DIDO1: variants seen among roughly 807,000 people sequenced by gnomAD.
DIDO1 encodes death-inducer obliterator 1.
Under a neutral mutation model 99.4 loss-of-function variants are expected in DIDO1, and 16 were observed. That is an observed-to-expected ratio of 0.16 (90% CI 0.11 to 0.24). DIDO1 has a LOEUF of 0.24. Ranked by LOEUF, DIDO1 falls within the 10% of genes least tolerant of loss-of-function variation. DIDO1 has a pLI of 1.00. For missense variants in DIDO1, 2,996 were observed against 3,014.0 expected, an observed-to-expected ratio of 0.99 and a Z score of 0.14; for synonymous variants, 1,366 against 1,239.1, an observed-to-expected ratio of 1.10 and a Z score of -2.15.
chr20:62,931,603 C>T (rs978583869), intron 1 of DIDO1, among the ~76,000 whole-genome samples: 8 of 152,154 alleles, frequency 5.3e-5, no homozygotes, highest in Non-Finnish European at 1.2e-4. Flanking sequence ...AAAGGGGAAA[C>T]GAACCCATAG....
intron 6 of DIDO1, among the ~76,000 whole-genome samples, chr20:62,901,907 C>T (rs146595360): frequency 5.9e-5 from 9 of 151,904 alleles, no homozygotes; most frequent in Non-Finnish European, 1.2e-4. Context: ...TTGTAGCAGG[C>T]GTCTTCAGAG....
At chr20:62,924,253 T>A (rs1005695725) in intron 1 of DIDO1, among the ~76,000 whole-genome samples, 5 of 145,882 alleles carry the variant, frequency 3.4e-5, no homozygotes, top group African/African-American at 1.3e-4. Context: ...TAGAGAGAAT[T>A]TTCTAGTGGT....
At position 62,880,334 on chromosome 20, in the gene DIDO1, C is replaced by G; in HGVS notation, c.5622G>C (p.Glu1874Asp). The change falls in exon 16 of 16, where the codon GAG becomes GAC. Residue 1874 changes from glutamate (E) to aspartate (D), a missense_variant. Around this residue, in one of 5 missense-constraint regions of DIDO1, gnomAD observed 1,562 missense variants for 1,412.6 expected, o/e 1.11. Transcript: ENST00000395343. ...TGAPAQFEGT[E>D]QAPFLGSRGG... ...CTCTGCTTCCCAGAAATGGGGCTTG[C>G]TCTGTCCCTTCAAACTGGGCGGGGG... 1 of 1,612,842 alleles carries G rather than the reference C, an allele frequency of 6.2e-7. No homozygotes were observed.
In DIDO1 at chr20:62,906,047, C is replaced by T. The variant is rs377478910; in HGVS notation, c.1428G>A (p.Glu476=). 1 of 1,613,760 alleles carries T rather than the reference C, an allele frequency of 6.2e-7. No homozygotes were observed. The highest frequency in any genetic ancestry group is 8.5e-7 in the Non-Finnish European group (1 of 1,180,020). Residue 476 remains glutamate (E), a synonymous_variant, in exon 6 of 16, where the codon GAG becomes GAA. Coordinates refer to ENST00000395343, the MANE Select transcript of DIDO1 (RefSeq NM_001193369.2). ...VHKRPAPEKK[E]TTVKKAVVVP... ...CCACCACTGCCTTCTTCACTGTGGT[C>T]TCTTTTTTTTCTGGAGCTGGTCTCT...
At chr20:62,903,335 G>A (rs2064726216) in intron 6 of DIDO1, among the ~76,000 whole-genome samples, 1 of 152,204 alleles carries the variant, frequency 6.6e-6, no homozygotes, top group South Asian at 2.1e-4. Context: ...ACAGGAGGGT[G>A]CCTAGGTGCA....
chr20:62,883,470 A>T (rs1304543572), intron 15 of DIDO1, among the ~76,000 whole-genome samples: 1 of 152,026 alleles, frequency 6.6e-6, no homozygotes, highest in African/African-American at 2.4e-5. Flanking sequence ...AGGCGGGTGG[A>T]TCACAAAGTC....
rs142456547 is a variant in DIDO1 at position 62,901,965 on chromosome 20, G to C, written c.1588+3922C>G. The stretch of plus-strand genomic sequence containing the variant: ...CCGAGAATGCCGAGGAGGCTTTCCC[G>C]AGTATTCATCTTTAGACTATGAGTA... On this transcript the variant is annotated intron_variant, in intron 6 of 15. Transcript: ENST00000395343. Among the ~76,000 whole-genome samples the C allele has an allele frequency of 9.2e-5, 14 of 151,960 alleles. 1 individual carries two copies. The East Asian group carries it at 2.7e-3, about 29-fold the overall frequency.
intron 15 of DIDO1, among the ~76,000 whole-genome samples, chr20:62,886,655 G>A (rs1194608140): frequency 6.6e-6 from 1 of 152,074 alleles, no homozygotes; most frequent in African/African-American, 2.4e-5. Context: ...TGAACCACCC[G>A]AAACCTGACT....
rs145983630 is a variant in DIDO1, at chr20:62,922,901, A to C, written c.-200+3538T>G. ...AGGAGAAATTAAGTAGGAAGTACAC[A>C]CTAACTTATGAGTGTTTTTTTTCTC... On this transcript the variant is annotated intron_variant, in intron 1 of 15. Transcript: ENST00000395343. Among the ~76,000 whole-genome samples the C allele has an allele frequency of 5.8e-3, 890 of 152,352 alleles. 7 individuals are homozygous for C. The highest frequency in any genetic ancestry group is 0.027 in the Middle Eastern group (8 of 294).
At position 62,891,153 on chromosome 20, in the gene DIDO1, C is replaced by G; in HGVS notation, c.3348G>C (p.Glu1116Asp). The G allele has an allele frequency of 6.2e-7, 1 of 1,613,982 alleles. No individual in the cohort carries two copies. The highest frequency in any genetic ancestry group is 8.5e-7 in the Non-Finnish European group (1 of 1,180,002). The change falls in exon 15 of 16, where the codon GAG becomes GAC. Residue 1116 changes from glutamate to aspartate, a missense_variant and splice_region_variant. Glu to Asp is a conservative substitution (Grantham distance 45, BLOSUM62 2). This residue lies in a region of DIDO1 where 135 missense variants were observed against 202.3 expected (regional missense o/e 0.67). Coordinates refer to ENST00000395343, the MANE Select transcript of DIDO1 (RefSeq NM_001193369.2). ...VGKLKSSVSKELCLIRFHPAT... is the reference protein window; with the variant it reads ...VGKLKSSVSKDLCLIRFHPAT... ...CGGGGTGGAAGCGGATCAGACAGAG[C>G]TCCTGCAATGGAAGAGTGGGAAGCA... is the stretch of plus-strand genomic sequence containing the variant.
intron 5 of DIDO1, among the ~76,000 whole-genome samples, chr20:62,906,366 C>A (rs1336850297): frequency 6.6e-6 from 1 of 152,192 alleles, no homozygotes; most frequent in Non-Finnish European, 1.5e-5. Flanking sequence ...ACCTGCAACC[C>A]TGATGAGGTG....
intron 3 of DIDO1, 55 bp downstream of exon 3, chr20:62,910,719 T>A: frequency 6.4e-7 from 1 of 1,551,754 alleles, no homozygotes; most frequent in Non-Finnish European, 8.8e-7. Flanking sequence ...TGAAAACAAA[T>A]GGAAAATTCT....
rs140512956 is a variant in DIDO1 at position 62,896,794 on chromosome 20, C to A, written c.1791G>T (p.Arg597Ser). ...TCGATGGGGTAGCGGAGAGCCATGG[C>A]CTCTTGGGGATGGTGCCCTTGAAAC... ...PSGFKGTIPK[R>S]PWLSATPSSG... The change falls in exon 7 of 16, where the codon AGG becomes AGT. Residue 597 changes from arginine to serine, a missense_variant. Arg to Ser is a moderately radical substitution (Grantham distance 110, BLOSUM62 -1). Around this residue, in one of 5 missense-constraint regions of DIDO1, gnomAD observed 898 missense variants for 972.7 expected, o/e 0.92. Transcript: ENST00000395343. The surrounding 1 kb of genome is among the most constrained non-coding windows in gnomAD (Gnocchi z 4.4). 1 of 1,614,144 alleles carries A rather than the reference C, an allele frequency of 6.2e-7. No homozygotes were observed. The highest frequency in any genetic ancestry group is 1.1e-5 in the South Asian group (1 of 91,084).
intron 6 of DIDO1, among the ~76,000 whole-genome samples, chr20:62,899,268 C>T (rs1332441244): frequency 6.6e-6 from 1 of 152,216 alleles, no homozygotes; most frequent in Non-Finnish European, 1.5e-5. Flanking sequence ...TCTAAAAAAG[C>T]TGGCTGAAAG....
At chr20:62,919,881 AG>A (rs750380744) in intron 1 of DIDO1, among the ~76,000 whole-genome samples, 1 of 152,250 alleles carries the variant, frequency 6.6e-6, no homozygotes, top group Non-Finnish European at 1.5e-5. Context: ...AATGAATGCC[AG>A]GAACCAGAAA....
At chr20:62,935,308 A>G (rs777154494) in intron 1 of DIDO1, among the ~76,000 whole-genome samples, 24 of 152,156 alleles carry the variant, frequency 1.6e-4, no homozygotes, top group Admixed American at 9.2e-4. Context: ...TCATTCACTC[A>G]TTTATTCCTT....
Position 62,921,888 on chromosome 20 carries a change from A to C in DIDO1, c.-200+4551T>G, listed in dbSNP as rs1435855762. ...ATATATATATCCACAATATATATAC[A>C]CACTATATATATATCCACAATATAT... On this transcript the variant is annotated intron_variant, in intron 1 of 15. Coordinates refer to ENST00000395343, the MANE Select transcript of DIDO1 (RefSeq NM_001193369.2). Among the ~76,000 whole-genome samples, 11 of 150,856 alleles carry C rather than the reference A, an allele frequency of 7.3e-5. No homozygotes were observed. In the South Asian group the frequency reaches 1.7e-3, roughly 23 times the overall value.
At chr20:62,919,465 GGGAAGC>G in intron 1 of DIDO1, among the ~76,000 whole-genome samples, 1 of 152,080 alleles carries the variant, frequency 6.6e-6, no homozygotes, top group South Asian at 2.1e-4. Flanking sequence ...ACTTAAACCC[GGGAAGC>G]GGAGGTTGCA....
At chr20:62,909,660 C>A in intron 4 of DIDO1, 39 bp downstream of exon 4, 1 of 1,600,328 alleles carries the variant, frequency 6.2e-7, no homozygotes, top group Non-Finnish European at 8.5e-7. Context: ...ACCAGTGAGG[C>A]CGACTGCTGA....
Sources: gnomAD v4.1 joint callset for allele counts (sites outside exome capture counted in the v4.1 genomes callset) on GRCh38, gnomAD v4.1.1 for gene constraint, gnomAD v4.1.1 regional missense constraint, Gnocchi (gnomAD v3.1) non-coding constraint, MANE v1.5 for transcripts, NCBI Gene and HGNC (gene_info 2026-07-23, HGNC 2026-07-21) for gene names.